Variants in MANBAL observed in about 807,000 individuals in gnomAD.
The protein encoded by MANBAL is mannosidase beta like, also known as protein MANBAL.
MANBAL carries 1 observed loss-of-function variant against 6.4 expected under a neutral mutation model. The ratio of observed to expected loss-of-function variants is 0.16; its 90% CI spans 0.06 to 0.74. The LOEUF is 0.74. MANBAL is among the 30% of genes least tolerant of loss of function. The probability of loss-of-function intolerance (pLI) is 0.78; values close to 1 mark genes in which losing one functional copy is unlikely to be tolerated. For missense variants in MANBAL, 100 were observed against 107.8 expected, an observed-to-expected ratio of 0.93 and a Z score of 0.32; for synonymous variants, 47 against 45.8, an observed-to-expected ratio of 1.03 and a Z score of -0.10.
At chr20:37,298,415 T>G (rs909343415) in intron 1 of MANBAL, among the ~76,000 whole-genome samples, 16 of 152,208 alleles carry the variant, frequency 1.1e-4, no homozygotes, top group African/African-American at 3.9e-4. Flanking sequence ...CTCCAGCCCT[T>G]GGTAACCTCA....
At chr20:37,310,564 A>T (rs2069363161) in intron 2 of MANBAL, among the ~76,000 whole-genome samples, 1 of 152,272 alleles carries the variant, frequency 6.6e-6, no homozygotes, top group Non-Finnish European at 1.5e-5. Context: ...CTAAATCCAC[A>T]TTGAACTGTA....
chr20:37,306,793 T>C (rs550457030), intron 2 of MANBAL, among the ~76,000 whole-genome samples: 2 of 152,344 alleles, frequency 1.3e-5, no homozygotes, highest in Admixed American at 1.3e-4. Flanking sequence ...AATTGATCAA[T>C]GATGTCTGTT....
chr20:37,302,732 C>T (rs1028693101), intron 2 of MANBAL, among the ~76,000 whole-genome samples: 16 of 151,388 alleles, frequency 1.1e-4, no homozygotes, highest in African/African-American at 3.9e-4. Flanking sequence ...TCATAGCATT[C>T]TGAACATATT....
At chr20:37,294,924 G>A (rs934111261) in intron 1 of MANBAL, among the ~76,000 whole-genome samples, 10 of 152,286 alleles carry the variant, frequency 6.6e-5, no homozygotes, top group Admixed American at 5.9e-4. Context: ...GGTGAACTTC[G>A]CAGTGTCCAG....
In MANBAL at chr20:37,290,725, T is replaced by A. The variant is rs550518112; in HGVS notation, c.-57+1039T>A. Among the ~76,000 whole-genome samples, 4 of 152,178 alleles carry A rather than the reference T, an allele frequency of 2.6e-5. No homozygotes were observed. The East Asian group carries it at 5.8e-4, about 22-fold the overall frequency. On this transcript the variant is annotated intron_variant, in intron 1 of 2. Transcript: ENST00000373606. ...CCACCCGCCTCGGCCTCCCAGAGTG[T>A]TGGGATTATAGGCGGGAGCCACCAC... is the stretch of plus-strand genomic sequence containing the variant.
At position 37,316,325 on chromosome 20, in the gene MANBAL, G is replaced by T. The variant is rs1413175939; in HGVS notation, c.168G>T (p.Glu56Asp). 2 of 1,613,684 alleles carry T rather than the reference G, an allele frequency of 1.2e-6. No homozygotes were observed. ...CCTCACAGGAGGCTGAACCGTCTGAGCCCAGAAGTGCTGAGGTGACGAGGA... is the reference window on the plus strand; with the variant it reads ...CCTCACAGGAGGCTGAACCGTCTGATCCCAGAAGTGCTGAGGTGACGAGGA... ...KSHEAEAEPS[E>D]PRSAEVTRKP... is the part of the protein sequence containing the mutation. The change falls in exon 3 of 3, where the codon GAG becomes GAT. Residue 56 changes from glutamate (E) to aspartate (D), a missense_variant. Transcript: ENST00000373606.
chr20:37,310,802 C>T (rs2069369000), intron 2 of MANBAL, among the ~76,000 whole-genome samples: 1 of 152,126 alleles, frequency 6.6e-6, no homozygotes, highest in African/African-American at 2.4e-5. Context: ...AGTGTGATTG[C>T]TGAGGAAACT....
At chr20:37,298,888 C>T (rs1016289535) in intron 1 of MANBAL, 3 of 152,062 alleles carry the variant, frequency 2.0e-5, no homozygotes, top group African/African-American at 7.2e-5. Flanking sequence ...AGGTGTGTAC[C>T]ACCATGTCCG....
At position 37,301,421 on chromosome 20, in the gene MANBAL, T is replaced by C. The variant is rs2069133161; in HGVS notation, c.150+8T>C. ...CCCAAGTCCCACGAGGCGGTGAGTT[T>C]TTCCCTGGGAGCCTCAGCTCCTCTG... On this transcript the variant is annotated splice_region_variant and intron_variant, in intron 2 of 2. Transcript: ENST00000373606. The C allele has an allele frequency of 1.2e-6, 2 of 1,609,074 alleles. No individual in the cohort carries two copies. Among genetic ancestry groups the C allele is most frequent in the Non-Finnish European group, 8.5e-7 (1 of 1,176,942 alleles).
intron 1 of MANBAL, among the ~76,000 whole-genome samples, chr20:37,299,531 A>G (rs2069082906): frequency 6.6e-6 from 1 of 152,230 alleles, no homozygotes; most frequent in Non-Finnish European, 1.5e-5. Flanking sequence ...TGGCCACCAT[A>G]TTGGATAGCT....
chr20:37,293,021 G>A (rs965316434), intron 1 of MANBAL, among the ~76,000 whole-genome samples: 4 of 152,110 alleles, frequency 2.6e-5, no homozygotes, highest in Non-Finnish European at 5.9e-5. Flanking sequence ...CTGTATCTAC[G>A]TTCAGCTAAA....
chr20:37,301,026 C>G (rs1209736132), intron 1 of MANBAL, 182 bp from the exon 2 acceptor site: 3 of 225,164 alleles, frequency 1.3e-5, no homozygotes, highest in Non-Finnish European at 2.6e-5. Flanking sequence ...ACCTGTAATC[C>G]CAGCTACTCG....
chr20:37,297,316 T>G (rs1041836798), intron 1 of MANBAL: 4 of 152,198 alleles, frequency 2.6e-5, no homozygotes, highest in Admixed American at 2.6e-4. Context: ...TTCACTGCAC[T>G]TGGAACCAGA....
chr20:37,290,973 T>C (rs969139734), intron 1 of MANBAL, among the ~76,000 whole-genome samples: 16 of 152,154 alleles, frequency 1.1e-4, no homozygotes, highest in African/African-American at 3.9e-4. Context: ...ATTTTCACAA[T>C]AGAATTTAAA....
intron 1 of MANBAL, among the ~76,000 whole-genome samples, chr20:37,295,106 G>A (rs1348711160): frequency 6.6e-6 from 1 of 152,228 alleles, no homozygotes; most frequent in Admixed American, 6.5e-5. Context: ...CTCATCAGGA[G>A]AGTCTAGGGA....
chr20:37,290,352 A>C (rs2068838488), intron 1 of MANBAL, among the ~76,000 whole-genome samples: 1 of 151,842 alleles, frequency 6.6e-6, no homozygotes, highest in South Asian at 2.1e-4. Flanking sequence ...ATTCTAATCT[A>C]GTTTTGCGTG....
At chr20:37,314,959 CAG>C (rs1272333750) in intron 2 of MANBAL, among the ~76,000 whole-genome samples, 2 of 152,212 alleles carry the variant, frequency 1.3e-5, no homozygotes, top group African/African-American at 4.8e-5. Context: ...AAATGAAACA[CAG>C]AGGGGTATTT....
chr20:37,315,969 G>A (rs139479578), intron 2 of MANBAL, among the ~76,000 whole-genome samples: 7 of 152,378 alleles, frequency 4.6e-5, no homozygotes, highest in Non-Finnish European at 8.8e-5. Context: ...TAAGGCGGGT[G>A]TGGCTATTTC....
intron 2 of MANBAL, among the ~76,000 whole-genome samples, chr20:37,314,899 G>A (rs1310704482): frequency 6.6e-6 from 1 of 152,236 alleles, no homozygotes; most frequent in Non-Finnish European, 1.5e-5. Flanking sequence ...GGGCCAATGG[G>A]GCAAGCAGGG....
Sources: allele counts gnomAD v4.1 joint callset (sites outside exome capture counted in the v4.1 genomes callset), GRCh38; gene constraint gnomAD v4.1.1; transcripts MANE v1.5; gene names NCBI Gene and HGNC (gene_info 2026-07-23, HGNC 2026-07-21).